SMUG1: variants seen among roughly 807,000 people sequenced by gnomAD.
SMUG1 encodes the protein single-strand-selective monofunctional uracil-DNA glycosylase 1, also known as single-strand selective monofunctional uracil DNA glycosylase.
A neutral mutation model predicts 23.9 loss-of-function variants in SMUG1; 13 were observed. The ratio of observed to expected loss-of-function variants is 0.54; its 90% CI spans 0.35 to 0.86. SMUG1 has a LOEUF of 0.86. Ranked by LOEUF, SMUG1 falls within the 40% of genes least tolerant of loss-of-function variation. The pLI is 0.01. For synonymous variants in SMUG1, 133 were observed against 139.8 expected, an observed-to-expected ratio of 0.95 and a Z score of 0.34; for missense variants, 313 against 339.5, an observed-to-expected ratio of 0.92 and a Z score of 0.61.
At chr12:54,164,969 GACA>G (rs1002576403) in intron 4 of SMUG1, 94 of 152,190 alleles carry the variant, frequency 6.2e-4, no homozygotes, top group African/African-American at 2.2e-3. Flanking sequence ...TCTTGCTCCT[GACA>G]ACAACCCTAT....
downstream of SMUG1, chr12:54,163,092 T>C (rs1201725491): frequency 6.6e-6 from 1 of 152,190 alleles, no homozygotes; most frequent in Non-Finnish European, 1.5e-5. Flanking sequence ...GCCTACCAGA[T>C]CTTGAGGGCT....
chr12:54,175,926 G>C (rs79998424), downstream of SMUG1, among the ~76,000 whole-genome samples: 1 of 152,108 alleles, frequency 6.6e-6, no homozygotes, highest in Non-Finnish European at 1.5e-5. Context: ...GAAAAAAAAA[G>C]ACAGAGATAA....
chr12:54,173,622 G>A (rs990599988), intron 2 of SMUG1, among the ~76,000 whole-genome samples: 4 of 152,222 alleles, frequency 2.6e-5, no homozygotes, highest in Non-Finnish European at 5.9e-5. Flanking sequence ...GCATTTAAAT[G>A]TTATTTAATT....
chr12:54,183,529 G>C (rs1176528024), intron 3 of SMUG1, 127 bp downstream of exon 3: 2 of 949,236 alleles, frequency 2.1e-6, no homozygotes, highest in Admixed American at 2.0e-5. Context: ...TATGTGTTGA[G>C]ACAGAATGGG....
At chr12:54,183,418 A>G (rs192077767) in intron 3 of SMUG1, 13 of 574,460 alleles carry the variant, frequency 2.3e-5, no homozygotes, top group African/African-American at 2.2e-4. Flanking sequence ...CTCAGAGGCA[A>G]TTACTGGCCA....
At chr12:54,168,206 T>A (rs1355709463) in intron 3 of SMUG1, 3 of 152,248 alleles carry the variant, frequency 2.0e-5, no homozygotes, top group Non-Finnish European at 4.4e-5. Flanking sequence ...TTTAAACTAG[T>A]GACCTTGGAC....
At chr12:54,182,815 T>C (rs1017426926) in intron 3 of SMUG1, 192 bp from the exon 4 acceptor site, 2 of 1,145,892 alleles carry the variant, frequency 1.7e-6, no homozygotes, top group South Asian at 1.7e-5. Context: ...CAGTTCTTCA[T>C]TGTGAACCGT....
chr12:54,178,165 C>T (rs535620776), downstream of SMUG1, among the ~76,000 whole-genome samples: 2 of 152,166 alleles, frequency 1.3e-5, no homozygotes, highest in South Asian at 2.1e-4. Flanking sequence ...CTGGACTTAA[C>T]GGGCTCCAGA....
intron 1 of SMUG1, among the ~76,000 whole-genome samples, chr12:54,188,298 TAA>T: frequency 1.6e-5 from 1 of 60,988 alleles, no homozygotes; most frequent in East Asian, 4.0e-4. Flanking sequence ...TAATAATAAA[TAA>T]TAATAATAAT....
At chr12:54,188,294 T>TAAA (rs11306312) in intron 1 of SMUG1, among the ~76,000 whole-genome samples, 2 of 50,222 alleles carry the variant, frequency 4.0e-5, no homozygotes, top group African/African-American at 1.4e-4. Flanking sequence ...ATAATAATAA[T>TAAA]AAATAATAAT....
chr12:54,167,578 G>C (rs1330859227), intron 3 of SMUG1, among the ~76,000 whole-genome samples: 1 of 140,796 alleles, frequency 7.1e-6, no homozygotes, highest in Admixed American at 6.7e-5. Context: ...TCCAGTCCAT[G>C]GTGCCCTAAT....
At chr12:54,158,543 G>C (rs933116774) in intron 4 of SMUG1, among the ~76,000 whole-genome samples, 1 of 152,060 alleles carries the variant, frequency 6.6e-6, no homozygotes. Flanking sequence ...TTGAATACAT[G>C]CCTCTGCCCC....
In SMUG1 at chr12:54,183,741, T is replaced by C. The variant is rs1941683621; in HGVS notation, c.200A>G (p.Asn67Ser). 1 of 1,613,990 alleles carries C rather than the reference T, an allele frequency of 6.2e-7. No individual in the cohort carries two copies. Among genetic ancestry groups the C allele is most frequent in the African/African-American group, 1.3e-5 (1 of 74,984 alleles). ...PVEYAWEPHR[N>S]YVTRYCQGPK... ...GCCCTGGCAGTAGCGAGTCACGTAGTTGCGATGTGGCTCCCATGCATACTC... is the reference window on the plus strand; with the variant it reads ...GCCCTGGCAGTAGCGAGTCACGTAGCTGCGATGTGGCTCCCATGCATACTC... The change falls in exon 3 of 4, where the codon AAC becomes AGC. Residue 67 changes from asparagine to serine, a missense_variant. Coordinates refer to ENST00000682136, the MANE Select transcript of SMUG1 (RefSeq NM_001243787.2).
Position 54,171,457 on chromosome 12 carries a change from C to G in SMUG1, c.*52+568G>C, listed in dbSNP as rs1940614615. On this transcript the variant is annotated intron_variant and NMD_transcript_variant, in intron 3 of 4. Transcript: ENST00000509864. ...TTGTAATCCCAGCACTTTGGGAGGC[C>G]AAGGTGGGCAGATCACGAGGTCAGG... 2.0e-5 allele frequency among the ~76,000 whole-genome samples: 3 copies of G among 150,982 alleles called. No individual in the cohort carries two copies. The South Asian group carries it at 6.3e-4, about 32-fold the overall frequency.
chr12:54,183,238 G>A (rs1431301649), intron 3 of SMUG1: 6 of 298,640 alleles, frequency 2.0e-5, no homozygotes, highest in Non-Finnish European at 3.7e-5. Flanking sequence ...GCCTTAGCTA[G>A]GAAACAGAAC....
chr12:54,185,724 T>C (rs1942302500), intron 2 of SMUG1, among the ~76,000 whole-genome samples: 2 of 150,754 alleles, frequency 1.3e-5, no homozygotes, highest in African/African-American at 2.4e-5. Flanking sequence ...GGCAGGAGAA[T>C]TGCTTGAACC....
Position 54,185,471 on chromosome 12 carries a change from AAAAAAT to A in SMUG1, c.-19-1518_-19-1513del, listed in dbSNP as rs1175252788. On this transcript the variant is annotated intron_variant, in intron 2 of 3. Transcript: ENST00000682136. ...CAAAAGAGCAAGACTCCATCTCAAA[AAAAAAT>A]AAAATAAAAAATAAATAAATAAATA... 1.8e-3 allele frequency among the ~76,000 whole-genome samples: 163 copies of A among 91,428 alleles called. 10 individuals are homozygous for A. The Middle Eastern group carries it at 0.021, about 12-fold the overall frequency. The allele number at this position is 91,428 out of a possible 152,430, so 60.0% of individuals were successfully genotyped here.
chr12:54,158,517 T>C (rs1940119187), intron 4 of SMUG1, among the ~76,000 whole-genome samples: 1 of 152,042 alleles, frequency 6.6e-6, no homozygotes, highest in Non-Finnish European at 1.5e-5. Flanking sequence ...AGGCATCCCA[T>C]TGCACTGGGG....
At chr12:54,173,705 C>T (rs1287359190) in intron 2 of SMUG1, among the ~76,000 whole-genome samples, 3 of 150,838 alleles carry the variant, frequency 2.0e-5, no homozygotes, top group Non-Finnish European at 4.4e-5. Flanking sequence ...CCGGGCTGCT[C>T]GCCTCCTCTG....
Sources: gnomAD v4.1 joint callset for allele counts (sites outside exome capture counted in the v4.1 genomes callset) on GRCh38, gnomAD v4.1.1 for gene constraint, MANE v1.5 for transcripts, NCBI Gene and HGNC (gene_info 2026-07-23, HGNC 2026-07-21) for gene names.